Variants in GUCY1A2 observed in about 807,000 individuals in gnomAD.
The protein encoded by GUCY1A2 is guanylate cyclase 1 soluble subunit alpha 2.
Under a neutral mutation model 63.5 loss-of-function variants are expected in GUCY1A2, and 27 were observed. The observed-to-expected ratio is 0.43, with a 90% CI of 0.31 to 0.59. The LOEUF (loss-of-function observed/expected upper bound fraction) is 0.59. GUCY1A2 is among the 20% of genes least tolerant of loss of function. GUCY1A2 has a pLI of 0.11. For missense variants in GUCY1A2, 768 were observed against 913.3 expected (o/e 0.84, Z 2.05); for synonymous variants, 364 against 343.5 (o/e 1.06, Z -0.66).
chr11:106,995,232 C>T (rs1430024800), intron 1 of GUCY1A2, among the ~76,000 whole-genome samples: 1 of 152,166 alleles, frequency 6.6e-6, no homozygotes, highest in Non-Finnish European at 1.5e-5. Context: ...CAACACTGGA[C>T]CCTACGTGTC....
rs56999589 is a variant in GUCY1A2 at position 106,716,768 on chromosome 11, CAAAAAAAAA to C, written c.1837-8111_1837-8103del. Among the ~76,000 whole-genome samples the C allele has an allele frequency of 5.2e-3, 290 of 55,330 alleles. 4 individuals are homozygous for C. Among genetic ancestry groups the C allele is most frequent in the African/African-American group, 0.019 (278 of 14,668 alleles). The allele number at this position is 55,330 out of a possible 152,430, so 36.3% of individuals were successfully genotyped here. The stretch of plus-strand genomic sequence containing the variant: ...TGGGCGACAGAGCCAGACTCCGTCT[CAAAAAAAAA>C]AAAAAAAAAAAAAAAAAGATAAGAG... On this transcript the variant is annotated intron_variant, in intron 6 of 7. Coordinates refer to ENST00000526355, the MANE Select transcript of GUCY1A2 (RefSeq NM_000855.3).
intron 4 of GUCY1A2, among the ~76,000 whole-genome samples, chr11:106,848,286 A>G (rs894855232): frequency 6.6e-6 from 1 of 151,866 alleles, no homozygotes; most frequent in Admixed American, 6.6e-5. Context: ...AACAGCAAGC[A>G]TAAGCACACA....
In GUCY1A2 at chr11:106,939,983, T is replaced by C; in HGVS notation, c.683A>G (p.Lys228Arg). The C allele has an allele frequency of 1.2e-6, 2 of 1,613,980 alleles. No homozygotes were observed. The highest frequency in any genetic ancestry group is 1.7e-6 in the Non-Finnish European group (2 of 1,179,922). ...CATGAGAGTACCTTCAGGGAGCTCTTTGCATAGGAAAGATGGTGACTCCAG... is the reference window on the plus strand; with the variant it reads ...CATGAGAGTACCTTCAGGGAGCTCTCTGCATAGGAAAGATGGTGACTCCAG... ...ATLESPSFLC[K>R]ELPEGTLMLH... The change falls in exon 4 of 8, where the codon AAA becomes AGA. Residue 228 changes from lysine (K) to arginine (R), a missense_variant. Physicochemically the swap from Lys to Arg is conservative, Grantham distance 26. Transcript: ENST00000526355.
At chr11:106,950,802 G>A (rs779483271) in intron 3 of GUCY1A2, among the ~76,000 whole-genome samples, 3 of 152,168 alleles carry the variant, frequency 2.0e-5, no homozygotes, top group Non-Finnish European at 4.4e-5. Flanking sequence ...TGGGATACAT[G>A]TGCAGAACGT....
chr11:106,847,653 A>C (rs1859294649), intron 4 of GUCY1A2, among the ~76,000 whole-genome samples: 1 of 151,624 alleles, frequency 6.6e-6, no homozygotes, highest in Non-Finnish European at 1.5e-5. Context: ...AGTGGCACAA[A>C]AAAAAGTAAA....
At chr11:106,756,813 C>T (rs552006147) in intron 6 of GUCY1A2, among the ~76,000 whole-genome samples, 24 of 152,164 alleles carry the variant, frequency 1.6e-4, no homozygotes, top group Non-Finnish European at 2.5e-4. Flanking sequence ...GTGAATCTGA[C>T]GATTATGTTT....
At chr11:106,820,894 TAAAC>T (rs1205694038) in intron 4 of GUCY1A2, among the ~76,000 whole-genome samples, 1 of 152,194 alleles carries the variant, frequency 6.6e-6, no homozygotes, top group Non-Finnish European at 1.5e-5. Context: ...ATTCATTAAA[TAAAC>T]AAAAATACCA....
chr11:106,974,456 T>C (rs1474902104), intron 3 of GUCY1A2, among the ~76,000 whole-genome samples: 1 of 152,058 alleles, frequency 6.6e-6, no homozygotes, highest in Non-Finnish European at 1.5e-5. Context: ...AAATACACAT[T>C]ACAAATCACA....
intron 3 of GUCY1A2, among the ~76,000 whole-genome samples, chr11:106,973,635 G>T (rs1861225014): frequency 6.6e-6 from 1 of 152,052 alleles, no homozygotes; most frequent in Non-Finnish European, 1.5e-5. Context: ...AACAACTCTG[G>T]AAGGCAGCAC....
intron 4 of GUCY1A2, 42 bp from the exon 5 acceptor site, chr11:106,810,520 A>T: frequency 6.7e-7 from 1 of 1,496,556 alleles, no homozygotes; most frequent in Non-Finnish European, 9.0e-7. Flanking sequence ...CTCTTCACAT[A>T]GTAGGTTCAC....
At chr11:106,727,942 C>G (rs1863435815) in intron 6 of GUCY1A2, among the ~76,000 whole-genome samples, 1 of 152,136 alleles carries the variant, frequency 6.6e-6, no homozygotes, top group Non-Finnish European at 1.5e-5. Context: ...TTCATCTGAA[C>G]AGGTTTCTCC....
chr11:107,017,620 G>C, intron 1 of GUCY1A2, 133 bp downstream of exon 1: 1 of 420,704 alleles, frequency 2.4e-6, no homozygotes, highest in Admixed American at 4.6e-5. Flanking sequence ...TGGAACCCTA[G>C]GCCGTGCAGG....
intron 7 of GUCY1A2, among the ~76,000 whole-genome samples, chr11:106,693,375 C>T (rs1279328563): frequency 6.6e-6 from 1 of 151,888 alleles, no homozygotes; most frequent in Non-Finnish European, 1.5e-5. Context: ...TGAATTTTCT[C>T]CTAGTCTTTT....
chr11:106,738,254 TA>T (rs960251634), intron 6 of GUCY1A2, among the ~76,000 whole-genome samples: 25 of 152,330 alleles, frequency 1.6e-4, no homozygotes, highest in African/African-American at 6.0e-4. Context: ...ACTTTTCTTG[TA>T]AATTTGTTGA....
chr11:106,974,342 A>G (rs1211080314), intron 3 of GUCY1A2, among the ~76,000 whole-genome samples: 1 of 152,112 alleles, frequency 6.6e-6, no homozygotes, highest in Non-Finnish European at 1.5e-5. Flanking sequence ...CTTATCTACT[A>G]AACAATTATA....
intron 1 of GUCY1A2, among the ~76,000 whole-genome samples, chr11:106,998,516 T>A (rs1258077926): frequency 2.0e-5 from 3 of 152,252 alleles, no homozygotes; most frequent in African/African-American, 7.2e-5. Flanking sequence ...AATGTTATGA[T>A]GCTTGAAAAG....
Position 106,687,761 on chromosome 11 carries a change from G to A in GUCY1A2, c.1992-5C>T. 1 of 1,589,846 alleles carries A rather than the reference G, an allele frequency of 6.3e-7. No individual in the cohort carries two copies. The highest frequency in any genetic ancestry group is 1.3e-5 in the African/African-American group (1 of 74,508). On this transcript the variant is annotated splice_polypyrimidine_tract_variant and splice_region_variant and intron_variant, in intron 7 of 7. Transcript: ENST00000526355. The stretch of plus-strand genomic sequence containing the variant: ...CTTTCTTCTCGTTTTAATAATCTAA[G>A]AAGAAAATACAGAGCACATGAATCA...
chr11:106,846,486 G>A (rs1274800192), intron 4 of GUCY1A2, among the ~76,000 whole-genome samples: 1 of 151,540 alleles, frequency 6.6e-6, no homozygotes, highest in South Asian at 2.1e-4. Context: ...TTAGCACATG[G>A]TAAAGACACA....
intron 1 of GUCY1A2, among the ~76,000 whole-genome samples, chr11:107,008,225 G>A (rs1292439526): frequency 7.2e-6 from 1 of 138,636 alleles, no homozygotes; most frequent in Admixed American, 9.7e-5. Context: ...GCTGTGGTGA[G>A]CCAAGATTGT....
Sources: allele counts gnomAD v4.1 joint callset (sites outside exome capture counted in the v4.1 genomes callset), GRCh38; gene constraint gnomAD v4.1.1; transcripts MANE v1.5; gene names NCBI Gene and HGNC (gene_info 2026-07-23, HGNC 2026-07-21).